JAZF1: variants seen among roughly 807,000 people sequenced by gnomAD.
JAZF1 encodes the protein JAZF zinc finger 1.
A neutral mutation model predicts 26.4 loss-of-function variants in JAZF1; 8 were observed. That is an observed-to-expected ratio of 0.30 (90% CI 0.18 to 0.55). The LOEUF is 0.55. Ranked by LOEUF, JAZF1 falls within the 20% of genes least tolerant of loss-of-function variation. JAZF1 has a pLI of 0.94. For synonymous variants in JAZF1, 126 were observed against 122.3 expected (o/e 1.03, Z -0.20); for missense variants, 199 against 322.0 (o/e 0.62, Z 2.92).
In JAZF1 at chr7:28,097,633, G is replaced by C. The variant is rs76981681; in HGVS notation, c.115+82830C>G. ...AGCTGAAGGAGCTGGATATATAAAG[G>C]GTGGGGCAAGAAGAAATCACAGCTG... is the stretch of plus-strand genomic sequence containing the variant. On this transcript the variant is annotated intron_variant, in intron 1 of 4. Transcript: ENST00000283928. Among the ~76,000 whole-genome samples the C allele has an allele frequency of 6.1e-3, 924 of 152,344 alleles. 4 individuals carry two copies. The highest frequency in any genetic ancestry group is 0.014 in the Middle Eastern group (4 of 294).
At chr7:27,899,983 G>C (rs541293402) in intron 2 of JAZF1, among the ~76,000 whole-genome samples, 2 of 152,344 alleles carry the variant, frequency 1.3e-5, no homozygotes, top group Admixed American at 1.3e-4. Flanking sequence ...CATGGGGGCA[G>C]TGGGCAGCTG....
At chr7:28,161,148 A>G (rs1783280409) in intron 1 of JAZF1, among the ~76,000 whole-genome samples, 1 of 152,048 alleles carries the variant, frequency 6.6e-6, no homozygotes. Context: ...AAGGCTGTCG[A>G]AACAATAATA....
intron 2 of JAZF1, among the ~76,000 whole-genome samples, chr7:27,935,471 C>A (rs912527322): frequency 6.6e-6 from 1 of 152,080 alleles, no homozygotes; most frequent in African/African-American, 2.4e-5. Context: ...TATGATTCCA[C>A]GTGTATGAAA....
rs140416830 is a variant in JAZF1, at chr7:27,895,389, C to T, written c.216G>A (p.Glu72=). 5 of 1,605,330 alleles carry T rather than the reference C, an allele frequency of 3.1e-6. No individual in the cohort carries two copies. The highest frequency in any genetic ancestry group is 4.3e-6 in the Non-Finnish European group (5 of 1,175,936). The part of the protein sequence containing the change: ...NRFMTDAARR[E]QESLKKKIQP... ...GAATCTTCTTCTTTAGGGACTCCTGCTCTCGGCGGGCAGCATCTGTCATGA... is the reference window on the plus strand; with the variant it reads ...GAATCTTCTTCTTTAGGGACTCCTGTTCTCGGCGGGCAGCATCTGTCATGA... The change falls in exon 3 of 5, where the codon GAG becomes GAA. Residue 72 remains glutamate (E), a synonymous_variant. Coordinates refer to ENST00000283928, the MANE Select transcript of JAZF1 (RefSeq NM_175061.4).
intron 2 of JAZF1, among the ~76,000 whole-genome samples, chr7:27,912,372 C>T (rs548074148): frequency 6.6e-6 from 1 of 152,302 alleles, no homozygotes; most frequent in South Asian, 2.1e-4. Flanking sequence ...AGTCTGCTCA[C>T]AATGCAGGAA....
At position 28,035,596 on chromosome 7, in the gene JAZF1, G is replaced by T. The variant is rs375855940; in HGVS notation, c.116-43615C>A. Among the ~76,000 whole-genome samples the T allele has an allele frequency of 3.3e-5, 5 of 152,244 alleles. No homozygotes were observed. In the East Asian group the frequency reaches 5.8e-4, roughly 18 times the overall value. ...CCTAATGGATGACTGCAGGAGAGAT[G>T]ATTGTGGTTCCTTGCTTTACTTTTG... is the stretch of plus-strand genomic sequence containing the variant. On this transcript the variant is annotated intron_variant, in intron 1 of 4. Transcript: ENST00000283928.
At chr7:28,082,171 C>CA (rs565368474) in intron 1 of JAZF1, among the ~76,000 whole-genome samples, 21 of 152,274 alleles carry the variant, frequency 1.4e-4, no homozygotes, top group Admixed American at 1.0e-3. Flanking sequence ...GTCCCTCTGA[C>CA]AAAATGAAGT....
At chr7:27,904,255 G>C (rs1784212363) in intron 2 of JAZF1, among the ~76,000 whole-genome samples, 1 of 152,188 alleles carries the variant, frequency 6.6e-6, no homozygotes, top group African/African-American at 2.4e-5. Context: ...CAAAGGATCT[G>C]GCTGCTCTAG....
intron 1 of JAZF1, among the ~76,000 whole-genome samples, chr7:28,151,742 G>A (rs1783114654): frequency 6.6e-6 from 1 of 151,680 alleles, no homozygotes; most frequent in Non-Finnish European, 1.5e-5. Flanking sequence ...AGTGAGCCGA[G>A]ATCATGCCAT....
At chr7:27,984,637 C>T (rs2128363140) in intron 2 of JAZF1, among the ~76,000 whole-genome samples, 1 of 152,360 alleles carries the variant, frequency 6.6e-6, no homozygotes. Context: ...CACCCCAAAT[C>T]AGCAGAACAT....
At chr7:27,896,139 T>G (rs1784059222) in intron 2 of JAZF1, among the ~76,000 whole-genome samples, 1 of 152,210 alleles carries the variant, frequency 6.6e-6, no homozygotes, top group African/African-American at 2.4e-5. Context: ...TATGTTCTAA[T>G]TTTATTACTC....
intron 3 of JAZF1, among the ~76,000 whole-genome samples, chr7:27,857,192 C>G (rs991436214): frequency 6.6e-6 from 1 of 152,204 alleles, no homozygotes; most frequent in Non-Finnish European, 1.5e-5. Context: ...GGTCCCGAGC[C>G]CTGTTCTGCA....
intron 1 of JAZF1, among the ~76,000 whole-genome samples, chr7:28,003,573 C>T (rs1782643106): frequency 6.6e-6 from 1 of 152,170 alleles, no homozygotes; most frequent in African/African-American, 2.4e-5. Flanking sequence ...TTCCATCACC[C>T]AATACTACAT....
intron 1 of JAZF1, among the ~76,000 whole-genome samples, chr7:28,123,949 T>C (rs73298685): frequency 0.029 from 4,414 of 152,292 alleles, 205 homozygotes; most frequent in African/African-American, 0.1. Context: ...TCAGCTGTTT[T>C]GACTGCTGAG....
At chr7:27,875,042 T>A (rs1783651917) in intron 3 of JAZF1, among the ~76,000 whole-genome samples, 2 of 152,148 alleles carry the variant, frequency 1.3e-5, no homozygotes, top group Admixed American at 6.5e-5. Flanking sequence ...TGGGAACTAT[T>A]GAAATACCAT....
chr7:27,995,105 T>C (rs1037947853), intron 1 of JAZF1, among the ~76,000 whole-genome samples: 2 of 152,238 alleles, frequency 1.3e-5, no homozygotes, highest in Non-Finnish European at 2.9e-5. Flanking sequence ...AATTTCCTTA[T>C]ACCATGCCAC....
intron 3 of JAZF1, among the ~76,000 whole-genome samples, chr7:27,862,395 C>T (rs1783400295): frequency 6.6e-6 from 1 of 151,976 alleles, no homozygotes; most frequent in Non-Finnish European, 1.5e-5. Context: ...TCTACTGCTG[C>T]CGTCTTTATG....
At chr7:28,154,307 A>G (rs150312683) in intron 1 of JAZF1, among the ~76,000 whole-genome samples, 2 of 152,356 alleles carry the variant, frequency 1.3e-5, no homozygotes, top group Non-Finnish European at 2.9e-5. Flanking sequence ...AGTGATCACA[A>G]TGTTCAAGCA....
At chr7:27,841,687 A>G (rs1289694277) in intron 3 of JAZF1, 1 of 152,200 alleles carries the variant, frequency 6.6e-6, no homozygotes, top group Non-Finnish European at 1.5e-5. Context: ...GAATTGAAAT[A>G]CACTCTACTG....
Sources: gnomAD v4.1 joint callset for allele counts (sites outside exome capture counted in the v4.1 genomes callset) on GRCh38, gnomAD v4.1.1 for gene constraint, MANE v1.5 for transcripts, NCBI Gene and HGNC (gene_info 2026-07-23, HGNC 2026-07-21) for gene names.